Variants in RGS6 observed in about 807,000 individuals in gnomAD.
RGS6 encodes regulator of G protein signaling 6, also known as regulator of G-protein signaling 6.
Under a neutral mutation model 78.5 loss-of-function variants are expected in RGS6, and 30 were observed. The ratio of observed to expected loss-of-function variants is 0.38; its 90% CI spans 0.29 to 0.52. RGS6 has a LOEUF of 0.52. RGS6 is among the 20% of genes least tolerant of loss of function. RGS6 has a pLI of 0.85. For synonymous variants in RGS6, 206 were observed against 206.0 expected, an observed-to-expected ratio of 1.00 and a Z score of 0.00; for missense variants, 495 against 609.7, an observed-to-expected ratio of 0.81 and a Z score of 1.98.
intron 2 of RGS6, among the ~76,000 whole-genome samples, chr14:72,041,253 C>G (rs1028344196): frequency 5.3e-5 from 8 of 151,976 alleles, no homozygotes; most frequent in Admixed American, 4.6e-4. Context: ...ACCAGTCAGC[C>G]TGGCTAGAGA....
At chr14:72,046,431 A>G (rs1465989741) in intron 2 of RGS6, among the ~76,000 whole-genome samples, 1 of 152,210 alleles carries the variant, frequency 6.6e-6, no homozygotes, top group Non-Finnish European at 1.5e-5. Context: ...TGACATCAGT[A>G]GAGCAGAATC....
chr14:72,479,702 G>A (rs888959704), intron 12 of RGS6, among the ~76,000 whole-genome samples: 3 of 152,156 alleles, frequency 2.0e-5, no homozygotes, highest in Non-Finnish European at 4.4e-5. Context: ...CTCTCATCAT[G>A]TGTGGCTTCT....
At chr14:72,307,662 A>C (rs1173140420) in intron 2 of RGS6, among the ~76,000 whole-genome samples, 1 of 152,138 alleles carries the variant, frequency 6.6e-6, no homozygotes, top group Non-Finnish European at 1.5e-5. Context: ...AAAATGTTTT[A>C]ATATTGATTA....
At chr14:71,891,558 AG>A in the RGS6 span, among the ~76,000 whole-genome samples, 1 of 152,322 alleles carries the variant, frequency 6.6e-6, no homozygotes, top group Non-Finnish European at 1.5e-5. Context: ...GGAAGCTAAA[AG>A]CTTCAGAAGT....
intron 1 of RGS6, among the ~76,000 whole-genome samples, chr14:71,939,282 A>G (rs1467728585): frequency 6.6e-6 from 1 of 152,200 alleles, no homozygotes; most frequent in Non-Finnish European, 1.5e-5. Flanking sequence ...CTGGACCCCT[A>G]GAAATTTTAT....
At chr14:72,617,244 A>G in the RGS6 span, among the ~76,000 whole-genome samples, 1 of 152,224 alleles carries the variant, frequency 6.6e-6, no homozygotes, top group Non-Finnish European at 1.5e-5. Context: ...CTTGCTTTTT[A>G]AACTTTTAAG....
chr14:72,596,181 GCT>G, the RGS6 span, among the ~76,000 whole-genome samples: 1 of 152,104 alleles, frequency 6.6e-6, no homozygotes, highest in Admixed American at 6.5e-5. Flanking sequence ...TTCCTTTCAG[GCT>G]CTAGGGAAAA....
At chr14:72,266,901 A>G (rs1049881159) in intron 2 of RGS6, among the ~76,000 whole-genome samples, 3 of 152,138 alleles carry the variant, frequency 2.0e-5, no homozygotes, top group African/African-American at 7.2e-5. Flanking sequence ...GGTCTAGCCA[A>G]TGGTGGCCTG....
chr14:72,258,024 A>G (rs1459748552), intron 2 of RGS6, among the ~76,000 whole-genome samples: 3 of 152,276 alleles, frequency 2.0e-5, no homozygotes, highest in African/African-American at 4.8e-5. Flanking sequence ...TAATCCAAAT[A>G]CATTGGAACC....
intron 2 of RGS6, among the ~76,000 whole-genome samples, chr14:72,169,481 TTTAG>T (rs1490149635): frequency 5.3e-5 from 8 of 152,220 alleles, no homozygotes; most frequent in Non-Finnish European, 7.3e-5. Flanking sequence ...AGACCATGGC[TTTAG>T]TGTTTCAACA....
intron 2 of RGS6, among the ~76,000 whole-genome samples, chr14:72,261,356 G>A (rs1371131407): frequency 6.6e-6 from 1 of 152,204 alleles, no homozygotes; most frequent in Non-Finnish European, 1.5e-5. Context: ...AAAAGGAAAG[G>A]CTACAGTCCC....
chr14:72,417,721 C>G (rs553159850), intron 3 of RGS6, among the ~76,000 whole-genome samples: 1 of 152,222 alleles, frequency 6.6e-6, no homozygotes, highest in African/African-American at 2.4e-5. Context: ...CAGTACATAC[C>G]TCACGGAGTT....
At chr14:72,026,995 C>T (rs1646579934) in intron 2 of RGS6, among the ~76,000 whole-genome samples, 1 of 152,214 alleles carries the variant, frequency 6.6e-6, no homozygotes, top group Non-Finnish European at 1.5e-5. Flanking sequence ...CAGACATTCA[C>T]AGATCTAGGC....
chr14:71,916,876 G>A, the RGS6 span, among the ~76,000 whole-genome samples: 1 of 152,192 alleles, frequency 6.6e-6, no homozygotes, highest in South Asian at 2.1e-4. Context: ...GCATGGCCTG[G>A]GATATGAATT....
chr14:72,117,149 G>A lies in RGS6; in HGVS notation c.84+152274G>A, dbSNP rs1406072015. Among the ~76,000 whole-genome samples, 4 of 152,166 alleles carry A rather than the reference G, an allele frequency of 2.6e-5. No individual in the cohort carries two copies. The East Asian group carries it at 5.8e-4, about 22-fold the overall frequency. ...GAGCCAGTGCCCAGGTCCTGGAGGGGAACAAATGTGGCATGTTGAAATAGC... is the reference window on the plus strand; with the variant it reads ...GAGCCAGTGCCCAGGTCCTGGAGGGAAACAAATGTGGCATGTTGAAATAGC... On this transcript the variant is annotated intron_variant, in intron 2 of 17. Coordinates refer to ENST00000553525, the MANE Select transcript of RGS6 (RefSeq NM_001204424.2).
the RGS6 span, among the ~76,000 whole-genome samples, chr14:72,579,482 A>C: frequency 6.6e-6 from 1 of 152,204 alleles, no homozygotes; most frequent in Non-Finnish European, 1.5e-5. Context: ...AAGAACAGGA[A>C]GGGGAGGAAA....
rs577008786 is a variant in RGS6, at chr14:72,331,593, G to A, written c.85-20502G>A. ...CTTTGAGACCGCAGTTCCATAGCCC[G>A]TGGGTACTGTCCTTGTGTCATCATC... is the stretch of plus-strand genomic sequence containing the variant. On this transcript the variant is annotated intron_variant, in intron 2 of 17. Transcript: ENST00000553525. Among the ~76,000 whole-genome samples, 7 of 152,098 alleles carry A rather than the reference G, an allele frequency of 4.6e-5. No individual in the cohort carries two copies. In the East Asian group the frequency reaches 5.8e-4, roughly 13 times the overall value.
chr14:72,000,095 G>T (rs375388607), intron 2 of RGS6, among the ~76,000 whole-genome samples: 1 of 152,190 alleles, frequency 6.6e-6, no homozygotes, highest in African/African-American at 2.4e-5. Context: ...AAAAGGGGAA[G>T]CACTGATAGT....
intron 17 of RGS6, among the ~76,000 whole-genome samples, chr14:72,553,555 C>A (rs2097534283): frequency 6.6e-6 from 1 of 152,110 alleles, no homozygotes; most frequent in Admixed American, 6.5e-5. Context: ...ATTTTTTGTA[C>A]CCATAGTTTT....
Sources: gnomAD v4.1 joint callset for allele counts (sites outside exome capture counted in the v4.1 genomes callset) on GRCh38, gnomAD v4.1.1 for gene constraint, MANE v1.5 for transcripts, NCBI Gene and HGNC (gene_info 2026-07-23, HGNC 2026-07-21) for gene names.